The following DOK5 variants were observed in gnomAD, a reference collection of about 807,000 sequenced individuals.
DOK5 encodes the protein downstream of tyrosine kinase 5.
Under a neutral mutation model 43.3 loss-of-function variants are expected in DOK5, and 27 were observed. The ratio of observed to expected loss-of-function variants is 0.62; its 90% CI spans 0.46 to 0.86. The LOEUF (loss-of-function observed/expected upper bound fraction) is 0.86. Among genes scored for constraint, DOK5 ranks in the 40% least tolerant of loss-of-function variants. The probability of loss-of-function intolerance (pLI) is 0.00; values close to 1 mark genes in which losing one functional copy is unlikely to be tolerated. For missense variants in DOK5, 373 were observed against 392.9 expected (o/e 0.95, Z 0.43); for synonymous variants, 146 against 140.1 (o/e 1.04, Z -0.30).
intron 2 of DOK5, among the ~76,000 whole-genome samples, chr20:54,564,458 T>C (rs1985024023): frequency 6.6e-6 from 1 of 152,136 alleles, no homozygotes; most frequent in African/African-American, 2.4e-5. Context: ...GAGATACACA[T>C]ATGCTTCCCA....
intron 1 of DOK5, among the ~76,000 whole-genome samples, chr20:54,477,704 G>C (rs1056594406): frequency 1.3e-5 from 2 of 151,692 alleles, no homozygotes; most frequent in Non-Finnish European, 2.9e-5. Flanking sequence ...GTCAATGGAA[G>C]GAATTGGTAT....
At chr20:54,497,139 G>T (rs1163893393) in intron 1 of DOK5, among the ~76,000 whole-genome samples, 3 of 152,142 alleles carry the variant, frequency 2.0e-5, no homozygotes, top group Non-Finnish European at 4.4e-5. Context: ...AAATAAAATA[G>T]TTGCTGTAGA....
chr20:54,581,432 T>A (rs902604951), intron 2 of DOK5, among the ~76,000 whole-genome samples: 3 of 151,812 alleles, frequency 2.0e-5, no homozygotes, highest in Non-Finnish European at 2.9e-5. Context: ...GAGATTACAT[T>A]GAATCTGTAG....
At chr20:54,506,877 T>C (rs1190884329) in intron 1 of DOK5, among the ~76,000 whole-genome samples, 1 of 150,108 alleles carries the variant, frequency 6.7e-6, no homozygotes, top group African/African-American at 2.4e-5. Flanking sequence ...GCGAGGTCAC[T>C]GCTCTGAAGC....
At chr20:54,618,077 C>G (rs753919941) in intron 6 of DOK5, among the ~76,000 whole-genome samples, 3 of 152,220 alleles carry the variant, frequency 2.0e-5, no homozygotes, top group Non-Finnish European at 2.9e-5. Flanking sequence ...GAGGCCTATG[C>G]TCCTACAGGG....
intron 1 of DOK5, among the ~76,000 whole-genome samples, chr20:54,534,440 CA>C (rs1466824440): frequency 7.9e-5 from 12 of 152,214 alleles, no homozygotes; most frequent in Non-Finnish European, 1.6e-4. Flanking sequence ...CTGCCTGCCT[CA>C]GCCTCCCAAG....
At chr20:54,631,377 T>G (rs75375389) in intron 6 of DOK5, among the ~76,000 whole-genome samples, 1,650 of 150,914 alleles carry the variant, frequency 0.011, 31 homozygotes, top group African/African-American at 0.039. Flanking sequence ...GTTTTGCCAC[T>G]GCACTCCAGC....
intron 1 of DOK5, among the ~76,000 whole-genome samples, chr20:54,500,664 C>T (rs1032971786): frequency 1.3e-5 from 2 of 150,312 alleles, no homozygotes; most frequent in African/African-American, 4.9e-5. Flanking sequence ...CGGATTCAAG[C>T]GATTCTCCTG....
chr20:54,507,039 C>A (rs555446072), intron 1 of DOK5, among the ~76,000 whole-genome samples: 1 of 152,252 alleles, frequency 6.6e-6, no homozygotes, highest in East Asian at 1.9e-4. Flanking sequence ...CATCTAAGTG[C>A]TCAGTAAACA....
At chr20:54,635,683 C>G (rs1200366966) in intron 6 of DOK5, among the ~76,000 whole-genome samples, 1 of 152,158 alleles carries the variant, frequency 6.6e-6, no homozygotes, top group Admixed American at 6.5e-5. Flanking sequence ...CAAGCTGTAG[C>G]CCAACCACCT....
At chr20:54,619,206 A>C (rs1986910894) in intron 6 of DOK5, among the ~76,000 whole-genome samples, 1 of 144,706 alleles carries the variant, frequency 6.9e-6, no homozygotes, top group African/African-American at 2.6e-5. Flanking sequence ...TTCACTCTAA[A>C]GGGGGTGCTG....
chr20:54,545,279 A>G (rs1427729269), intron 1 of DOK5, among the ~76,000 whole-genome samples: 1 of 152,002 alleles, frequency 6.6e-6, no homozygotes, highest in Non-Finnish European at 1.5e-5. Context: ...TGTGGGGCAA[A>G]CTCCTATCTC....
At chr20:54,533,591 T>G (rs188660626) in intron 1 of DOK5, among the ~76,000 whole-genome samples, 2 of 152,316 alleles carry the variant, frequency 1.3e-5, no homozygotes, top group African/African-American at 4.8e-5. Context: ...CTTATACACA[T>G]AGCTGTAAGT....
intron 7 of DOK5, among the ~76,000 whole-genome samples, chr20:54,644,707 A>AG: frequency 2.0e-5 from 1 of 49,154 alleles, no homozygotes; most frequent in African/African-American, 5.4e-5. Context: ...CTCCGTCTCA[A>AG]AAAAAAAAAA....
chr20:54,644,579 G>A (rs1313055423), intron 7 of DOK5, among the ~76,000 whole-genome samples: 1 of 151,968 alleles, frequency 6.6e-6, no homozygotes, highest in African/African-American at 2.4e-5. Context: ...GGTGGCGGGC[G>A]CCTGTAGTCC....
intron 6 of DOK5, among the ~76,000 whole-genome samples, chr20:54,614,638 T>C (rs773521488): frequency 6.6e-6 from 1 of 152,248 alleles, no homozygotes; most frequent in Non-Finnish European, 1.5e-5. Context: ...GTTTGGATTA[T>C]CCCTTTGCAA....
chr20:54,610,433 C>T lies in DOK5; in HGVS notation c.645C>T (p.Asp215=), dbSNP rs375368173. ...GGCTGTTTATCTTTCAGACCCGAGACGGGGAGGCCATCTATCAGAAAGTCC... is the reference window on the plus strand; with the variant it reads ...GGCTGTTTATCTTTCAGACCCGAGATGGGGAGGCCATCTATCAGAAAGTCC... The part of the protein sequence containing the change: ...GEGLFIFQTR[D]GEAIYQKVHS... The change falls in exon 6 of 8, where the codon GAC becomes GAT. Residue 215 remains aspartate (D), a synonymous_variant. Transcript: ENST00000262593. 41 of 1,599,374 alleles carry T rather than the reference C, an allele frequency of 2.6e-5. No homozygotes were observed. The highest frequency in any genetic ancestry group is 1.1e-4 in the African/African-American group (8 of 74,380).
intron 1 of DOK5, among the ~76,000 whole-genome samples, chr20:54,482,786 C>T (rs897000657): frequency 4.6e-5 from 7 of 152,206 alleles, no homozygotes; most frequent in African/African-American, 1.4e-4. Flanking sequence ...CGTGAGCCAC[C>T]GTGCCCGGCC....
At chr20:54,572,729 G>A (rs946383832) in intron 2 of DOK5, among the ~76,000 whole-genome samples, 1 of 152,100 alleles carries the variant, frequency 6.6e-6, no homozygotes, top group African/African-American at 2.4e-5. Context: ...ATATAGATCA[G>A]ATTATTAGAT....
Sources: gnomAD v4.1 joint callset for allele counts (sites outside exome capture counted in the v4.1 genomes callset) on GRCh38, gnomAD v4.1.1 for gene constraint, MANE v1.5 for transcripts, NCBI Gene and HGNC (gene_info 2026-07-23, HGNC 2026-07-21) for gene names.